The following PRF1 variants were observed in gnomAD, a reference collection of about 807,000 sequenced individuals.
PRF1 encodes the protein perforin 1, also known as perforin-1.
In PRF1, 11 loss-of-function variants were observed where a neutral mutation model predicts 11.7. The ratio of observed to expected loss-of-function variants is 0.94; its 90% CI spans 0.59 to 1.56. The LOEUF (loss-of-function observed/expected upper bound fraction) is 1.56. Among genes scored for constraint, PRF1 ranks in the 40% most tolerant of loss-of-function variants. PRF1 has a pLI of 0.00. For synonymous variants in PRF1, 314 were observed against 327.8 expected (o/e 0.96, Z 0.45); for missense variants, 729 against 751.0 (o/e 0.97, Z 0.34).
At chr10:70,599,532 T>C (rs1387465007) in intron 2 of PRF1, among the ~76,000 whole-genome samples, 1 of 152,156 alleles carries the variant, frequency 6.6e-6, no homozygotes, top group Non-Finnish European at 1.5e-5. Flanking sequence ...GGAGGATCAC[T>C]TGAGCCCAGG....
chr10:70,598,666 C>T lies in PRF1; in HGVS notation c.1055G>A (p.Ser352Asn). The T allele has an allele frequency of 6.2e-7, 1 of 1,613,918 alleles. No homozygotes were observed. The highest frequency in any genetic ancestry group is 8.5e-7 in the Non-Finnish European group (1 of 1,180,022). ...TLEPLHVLLDSQDPRREALRR... is the reference protein window; with the variant it reads ...TLEPLHVLLDNQDPRREALRR... ...CAGTGCCTCCCGCCGCGGGTCCTGG[C>T]TGTCCAGCAGCACGTGCAGGGGTTC... The change falls in exon 3 of 3, where the codon AGC becomes AAC. Residue 352 changes from serine (S) to asparagine (N), a missense_variant. Physicochemically the swap from Ser to Asn is conservative, Grantham distance 46 (BLOSUM62 1). Transcript: ENST00000441259.
At position 70,599,043 on chromosome 10, in the gene PRF1, A is replaced by G; in HGVS notation, c.678T>C (p.Ala226=). The G allele has an allele frequency of 6.2e-7, 1 of 1,613,426 alleles. No homozygotes were observed. The highest frequency in any genetic ancestry group is 8.5e-7 in the Non-Finnish European group (1 of 1,179,460). Residue 226 remains alanine (A), a synonymous_variant, in exon 3 of 3, where the codon GCT becomes GCC. Coordinates refer to ENST00000441259, the MANE Select transcript of PRF1 (RefSeq NM_001083116.3). ...CCGATATGCGGCCACCCAGCTCCACAGCCCGGATGAAGTGGGTGCCGTAGT... is the reference window on the plus strand; with the variant it reads ...CCGATATGCGGCCACCCAGCTCCACGGCCCGGATGAAGTGGGTGCCGTAGT... The part of the protein sequence containing the change: ...ISNYGTHFIR[A]VELGGRISAL...
chr10:70,599,209 G>T (rs374465359), intron 2 of PRF1, 28 bp from the exon 3 acceptor site: 515 of 1,613,206 alleles, frequency 3.2e-4, no homozygotes, highest in Non-Finnish European at 4.3e-4. Flanking sequence ...CCTCAGCTGG[G>T]CCCAGGGGAG....
Position 70,600,237 on chromosome 10 carries a change from T to C in PRF1, c.539+127A>G, listed in dbSNP as rs1848199838. ...ATCACCTGAAGTCTGAGAGCCAGGATTGCAGTTTCTTCCTGGTGGAAGCAG... is the reference window on the plus strand; with the variant it reads ...ATCACCTGAAGTCTGAGAGCCAGGACTGCAGTTTCTTCCTGGTGGAAGCAG... On this transcript the variant is annotated intron_variant, in intron 2 of 2. Transcript: ENST00000441259. This position sits in a 1 kb window ranked among gnomAD's most constrained non-coding sequence, Gnocchi z 4.9. 5.4e-6 allele frequency: 8 copies of C among 1,491,354 alleles called. No homozygotes were observed. The highest frequency in any genetic ancestry group is 1.4e-5 in the African/African-American group (1 of 71,998). The allele number at this position is 1,491,354 out of a possible 1,614,324, so 92.4% of individuals were successfully genotyped here. A position where few individuals can be genotyped will look rare whatever the true frequency, so the allele number is the denominator to read the frequency against.
rs1266753425 is a variant in PRF1, at chr10:70,600,669, A to G, written c.234T>C (p.Asn78=). 3 of 1,613,742 alleles carry G rather than the reference A, an allele frequency of 1.9e-6. No individual in the cohort carries two copies. Among genetic ancestry groups the G allele is most frequent in the Non-Finnish European group, 2.5e-6 (3 of 1,179,876 alleles). The part of the protein sequence containing the change: ...RPDGTCTLCE[N]ALQEGTLQRL... Reference sequence around the variant, plus strand: ...GCTGGAGGGTGCCCTCCTGTAGGGCATTTTCACAGAGGGTGCAGGTGCCGT... The same window carrying G: ...GCTGGAGGGTGCCCTCCTGTAGGGCGTTTTCACAGAGGGTGCAGGTGCCGT... Residue 78 remains asparagine (N), a synonymous_variant, in exon 2 of 3, where the codon AAT becomes AAC. Transcript: ENST00000441259. The surrounding 1 kb of genome is among the most constrained non-coding windows in gnomAD (Gnocchi z 4.9).
Position 70,601,029 on chromosome 10 carries a change from T to G in PRF1, c.-30-97A>C, listed in dbSNP as rs943551234. 3.2e-5 allele frequency: 47 copies of G among 1,451,098 alleles called. No individual in the cohort carries two copies. The South Asian group carries it at 5.8e-4, about 18-fold the overall frequency. The allele number at this position is 1,451,098 out of a possible 1,614,324, so 89.9% of individuals were successfully genotyped here. The stretch of plus-strand genomic sequence containing the variant: ...ATGGAAGGGGAGGGGCTGAGATATC[T>G]CTTAAGTCATTATTCAATGAATGTC... On this transcript the variant is annotated intron_variant, in intron 1 of 2. Coordinates refer to ENST00000441259, the MANE Select transcript of PRF1 (RefSeq NM_001083116.3).
chr10:70,601,935 T>C lies in PRF1; in HGVS notation c.-31+710A>G, dbSNP rs575884649. 1.4e-4 allele frequency among the ~76,000 whole-genome samples: 22 copies of C among 152,168 alleles called. No individual in the cohort carries two copies. In the South Asian group the frequency reaches 4.0e-3, roughly 27 times the overall value. On this transcript the variant is annotated intron_variant, in intron 1 of 2. Transcript: ENST00000441259. ...TCCTTTCTTGCTGCCCCTCCCCTCT[T>C]TGCCACTCCCTGCCAAGCTCTGTGG...
chr10:70,600,653 T>A lies in PRF1; in HGVS notation c.250A>T (p.Thr84Ser). 1.2e-6 allele frequency: 2 copies of A among 1,612,730 alleles called. No homozygotes were observed. Among genetic ancestry groups the A allele is most frequent in the East Asian group, 4.5e-5 (2 of 44,806 alleles). ...AGCGCCAGAGGCAGGCGCTGGAGGG[T>A]GCCCTCCTGTAGGGCATTTTCACAG... The part of the protein sequence containing the change: ...TLCENALQEG[T>S]LQRLPLALTN... The change falls in exon 2 of 3, where the codon ACC becomes TCC. Residue 84 changes from threonine (T) to serine (S), a missense_variant. Transcript: ENST00000441259. The surrounding 1 kb of genome is among the most constrained non-coding windows in gnomAD (Gnocchi z 4.9).
intron 2 of PRF1, among the ~76,000 whole-genome samples, chr10:70,599,832 C>T (rs572537337): frequency 1.4e-4 from 21 of 152,326 alleles, no homozygotes; most frequent in East Asian, 3.9e-4. Context: ...CTTTCTCAGA[C>T]GTGGAATATG....
In PRF1 at chr10:70,598,416, C is replaced by T. The variant is rs200167080; in HGVS notation, c.1305G>A (p.Thr435=). Residue 435 remains threonine, a synonymous_variant, in exon 3 of 3, where the codon ACG becomes ACA. Transcript: ENST00000441259. ...WGLWGDWFTA[T]DAYVKLFFGG... ...CAAAGAAGAGCTTCACATAGGCATC[C>T]GTGGCAGTGAACCAGTCCCCCCACA... 24 of 1,614,004 alleles carry T rather than the reference C, an allele frequency of 1.5e-5. No homozygotes were observed. The highest frequency in any genetic ancestry group is 3.3e-4 in the Middle Eastern group (2 of 6,062).
Position 70,598,486 on chromosome 10 carries a change from C to T in PRF1, c.1235G>A (p.Arg412Lys), listed in dbSNP as rs1381429484. The T allele has an allele frequency of 6.2e-7, 1 of 1,613,572 alleles. No homozygotes were observed. The highest frequency in any genetic ancestry group is 1.1e-5 in the South Asian group (1 of 91,076). ...VTTQDCCPRQ[R>K]GLAQLEVTFI... ...GGTCACCTCCAGCTGGGCCAGGCCCCTCTGCCGAGGGCAGCAGTCCTGGGT... is the reference window on the plus strand; with the variant it reads ...GGTCACCTCCAGCTGGGCCAGGCCCTTCTGCCGAGGGCAGCAGTCCTGGGT... The change falls in exon 3 of 3, where the codon AGG becomes AAG. Residue 412 changes from arginine to lysine, a missense_variant. Transcript: ENST00000441259.
At position 70,597,612 on chromosome 10, in the gene PRF1, C is replaced by T. The variant is rs375066000; in HGVS notation, c.*441G>A. The T allele has an allele frequency of 2.8e-4, 137 of 495,148 alleles. No homozygotes were observed. In the East Asian group the frequency reaches 3.9e-3, roughly 14 times the overall value. 30.7% of individuals were successfully genotyped at this position (495,148 alleles called of 1,614,324 possible). On this transcript the variant is annotated 3_prime_UTR_variant, in exon 3 of 3. Transcript: ENST00000441259. ...CCCAGCTCCTGGCTGAAGCTGTGATCTGTGTAGCTGTGACTGCAGGGCTTG... is the reference window on the plus strand; with the variant it reads ...CCCAGCTCCTGGCTGAAGCTGTGATTTGTGTAGCTGTGACTGCAGGGCTTG...
Position 70,597,818 on chromosome 10 carries a change from C to G in PRF1, c.*235G>C. 1 of 611,622 alleles carries G rather than the reference C, an allele frequency of 1.6e-6. No homozygotes were observed. The highest frequency in any genetic ancestry group is 2.7e-5 in the East Asian group (1 of 36,550). The allele number at this position is 611,622 out of a possible 1,614,324, so 37.9% of individuals were successfully genotyped here. A position where few individuals can be genotyped will look rare whatever the true frequency, so the allele number is the denominator to read the frequency against. On this transcript the variant is annotated 3_prime_UTR_variant, in exon 3 of 3. Coordinates refer to ENST00000441259, the MANE Select transcript of PRF1 (RefSeq NM_001083116.3). ...TGTGTTGGGCCACATGTAAAATCCA[C>G]TAGCACTAACGATAGCCGATGAGCT...
chr10:70,600,285 T>A lies in PRF1; in HGVS notation c.539+79A>T. On this transcript the variant is annotated intron_variant, in intron 2 of 2. Coordinates refer to ENST00000441259, the MANE Select transcript of PRF1 (RefSeq NM_001083116.3). The surrounding 1 kb of genome is among the most constrained non-coding windows in gnomAD (Gnocchi z 4.9). ...CAGCCTCCAAGTTTGATTGGAGGACTCTGCCTTTCCAGGGCTCCTAGACCA... is the reference window on the plus strand; with the variant it reads ...CAGCCTCCAAGTTTGATTGGAGGACACTGCCTTTCCAGGGCTCCTAGACCA... 6.3e-7 allele frequency: 1 copy of A among 1,581,290 alleles called. No homozygotes were observed. The highest frequency in any genetic ancestry group is 1.1e-5 in the South Asian group (1 of 87,488).
chr10:70,599,391 G>A (rs1848186484), intron 2 of PRF1, among the ~76,000 whole-genome samples: 1 of 152,020 alleles, frequency 6.6e-6, no homozygotes, highest in African/African-American at 2.4e-5. Context: ...GCTCTGTATA[G>A]GTATTTTCTC....
chr10:70,598,897 T>G lies in PRF1; in HGVS notation c.824A>C (p.Glu275Ala), dbSNP rs763119215. ...CTTCTTCTCCTCACAGGCCTTGGCT[T>G]CGGCAGAGATGCTGCCGTGGATGCC... is the stretch of plus-strand genomic sequence containing the variant. ...NIGIHGSISAEAKACEEKKKK... is the reference protein window; with the variant it reads ...NIGIHGSISAAAKACEEKKKK... The change falls in exon 3 of 3, where the codon GAA (glutamate) becomes GCA (alanine). Residue 275 changes from glutamate to alanine, a missense_variant. By Grantham distance (107) the Glu-to-Ala change is moderately radical. Coordinates refer to ENST00000441259, the MANE Select transcript of PRF1 (RefSeq NM_001083116.3). The G allele has an allele frequency of 3.0e-5, 49 of 1,614,140 alleles. No individual in the cohort carries two copies. Among genetic ancestry groups the G allele is most frequent in the Admixed American group, 6.7e-5 (4 of 60,010 alleles).
rs184146097 is a variant in PRF1 at position 70,597,916 on chromosome 10, A to C, written c.*137T>G. ...AGTTTGCGAATTTGCGTTGGGCCGC[A>C]TTCAAAGCCATCCTGGGCCGCATGC... On this transcript the variant is annotated 3_prime_UTR_variant, in exon 3 of 3. Coordinates refer to ENST00000441259, the MANE Select transcript of PRF1 (RefSeq NM_001083116.3). 1 of 1,142,098 alleles carries C rather than the reference A, an allele frequency of 8.8e-7. No homozygotes were observed. Among genetic ancestry groups the C allele is most frequent in the Admixed American group, 2.1e-5 (1 of 48,564 alleles). 70.7% of individuals were successfully genotyped at this position (1,142,098 alleles called of 1,614,324 possible). A position where few individuals can be genotyped will look rare whatever the true frequency, so the allele number is the denominator to read the frequency against.
Position 70,599,116 on chromosome 10 carries a change from T to A in PRF1, c.605A>T (p.His202Leu), listed in dbSNP as rs1848182798. ...GGGCTGGGTGGAGGCGTTGAAGTGG[T>A]GGGGCAGGTCCCCGAGGGCCCTCTT... The part of the protein sequence containing the change: ...DFKRALGDLP[H>L]HFNASTQPAY... Residue 202 changes from histidine to leucine, a missense_variant, in exon 3 of 3, where the codon CAC (histidine) becomes CTC (leucine). Coordinates refer to ENST00000441259, the MANE Select transcript of PRF1 (RefSeq NM_001083116.3). 1 of 1,614,052 alleles carries A rather than the reference T, an allele frequency of 6.2e-7. No individual in the cohort carries two copies. Among genetic ancestry groups the A allele is most frequent in the Admixed American group, 1.7e-5 (1 of 60,018 alleles).
In PRF1 at chr10:70,599,304, G is replaced by A. The variant is rs1848185630; in HGVS notation, c.540-123C>T. On this transcript the variant is annotated intron_variant, in intron 2 of 2. Transcript: ENST00000441259. ...GCAGAACTAGGACTGGAACCCAGGG[G>A]CCCGGCTCCAGAGCACAAGCACAGT... The A allele has an allele frequency of 6.2e-6, 8 of 1,291,012 alleles. No homozygotes were observed. In the Admixed American group the frequency reaches 1.6e-4, roughly 26 times the overall value. The allele number at this position is 1,291,012 out of a possible 1,614,324, so 80.0% of individuals were successfully genotyped here. A position where few individuals can be genotyped will look rare whatever the true frequency, so the allele number is the denominator to read the frequency against.
Sources: allele counts gnomAD v4.1 joint callset (sites outside exome capture counted in the v4.1 genomes callset), GRCh38; gene constraint gnomAD v4.1.1; non-coding constraint Gnocchi (gnomAD v3.1); transcripts MANE v1.5; gene names NCBI Gene and HGNC (gene_info 2026-07-23, HGNC 2026-07-21).